The following HOATZ variants were observed in gnomAD, a reference collection of about 807,000 sequenced individuals.
HOATZ encodes the protein HOATZ cilia and flagella associated protein.
HOATZ carries 26 observed loss-of-function variants against 24.9 expected under a neutral mutation model. The ratio of observed to expected loss-of-function variants is 1.04; its 90% CI spans 0.76 to 1.45. HOATZ has a LOEUF of 1.45. HOATZ is among the 40% of genes most tolerant of loss of function. The pLI is 0.00. For missense variants in HOATZ, 226 were observed against 201.5 expected, an observed-to-expected ratio of 1.12 and a Z score of -0.74; for synonymous variants, 83 against 76.6, an observed-to-expected ratio of 1.08 and a Z score of -0.43.
intron 5 of HOATZ, chr11:111,534,741 C>T: frequency 2.6e-6 from 1 of 377,582 alleles, no homozygotes; most frequent in Non-Finnish European, 4.8e-6. Flanking sequence ...TCTCTTCTCA[C>T]CCTGGGCTAT....
At chr11:111,526,085 AGGT>A (rs1262789410) in intron 3 of HOATZ, among the ~76,000 whole-genome samples, 1 of 152,026 alleles carries the variant, frequency 6.6e-6, no homozygotes, top group African/African-American at 2.4e-5. Flanking sequence ...GGTCAGAAGG[AGGT>A]GGTGGAGGGA....
intron 3 of HOATZ, among the ~76,000 whole-genome samples, chr11:111,531,182 A>G (rs1447287770): frequency 6.6e-6 from 1 of 152,188 alleles, no homozygotes; most frequent in Non-Finnish European, 1.5e-5. Context: ...TTCATAGGGG[A>G]TTTTTAAAAC....
rs185152888 is a variant in HOATZ, at chr11:111,534,528, T to C, written c.452+64T>C. 7.6e-4 allele frequency: 990 copies of C among 1,295,964 alleles called. 5 individuals carry two copies. The Middle Eastern group carries it at 8.5e-3, about 11-fold the overall frequency. 80.3% of individuals were successfully genotyped at this position (1,295,964 alleles called of 1,614,324 possible). A position where few individuals can be genotyped will look rare whatever the true frequency, so the allele number is the denominator to read the frequency against. On this transcript the variant is annotated intron_variant, in intron 5 of 5. Coordinates refer to ENST00000375618, the MANE Select transcript of HOATZ (RefSeq NM_001100388.2). ...AACTTACTGTGTAGGGAAGCATTTC[T>C]TTTTTCTTACTTTGCCACTTACCCT...
intron 3 of HOATZ, among the ~76,000 whole-genome samples, chr11:111,530,548 T>G (rs532405021): frequency 2.6e-5 from 4 of 152,158 alleles, no homozygotes; most frequent in African/African-American, 7.2e-5. Flanking sequence ...TTTTCAGGAA[T>G]AGTATAAATA....
intron 5 of HOATZ, 49 bp downstream of exon 5, chr11:111,534,513 G>A: frequency 7.3e-7 from 1 of 1,373,666 alleles, no homozygotes; most frequent in Non-Finnish European, 1.0e-6. Context: ...AACTTACTGT[G>A]TAGGGAAGCA....
intron 5 of HOATZ, 80 bp downstream of exon 5, chr11:111,534,544 C>T (rs1867427986): frequency 1.8e-6 from 2 of 1,139,694 alleles, no homozygotes; most frequent in Admixed American, 3.6e-5. Flanking sequence ...CTTACTTTGC[C>T]ACTTACCCTT....
In HOATZ at chr11:111,515,555, A is replaced by T; in HGVS notation, c.268+3A>T. 1 of 1,611,962 alleles carries T rather than the reference A, an allele frequency of 6.2e-7. No homozygotes were observed. Among genetic ancestry groups the T allele is most frequent in the Non-Finnish European group, 8.5e-7 (1 of 1,178,078 alleles). ...GTCTTTTCACCTTGCGAGTAACAGTAAGTACCAAGTTTTATGCCTTTCAAC... is the reference window on the plus strand; with the variant it reads ...GTCTTTTCACCTTGCGAGTAACAGTTAGTACCAAGTTTTATGCCTTTCAAC... On this transcript the variant is annotated splice_donor_region_variant and intron_variant, in intron 2 of 5. Coordinates refer to ENST00000375618, the MANE Select transcript of HOATZ (RefSeq NM_001100388.2).
In HOATZ at chr11:111,514,806, G is replaced by A; in HGVS notation, c.22G>A (p.Glu8Lys). Residue 8 changes from glutamate (E) to lysine (K), a missense_variant, in exon 1 of 6, where the codon GAA (glutamate) becomes AAA (lysine). Transcript: ENST00000375618. ...TGCCATGGAAACGGGACCCAGCGAA[G>A]AACCTAGCGGCCGAAAAGAGTCCCA... The part of the protein sequence containing the change: METGPSE[E>K]PSGRKESQEM... 1 of 1,614,000 alleles carries A rather than the reference G, an allele frequency of 6.2e-7. No individual in the cohort carries two copies. Among genetic ancestry groups the A allele is most frequent in the Non-Finnish European group, 8.5e-7 (1 of 1,179,968 alleles).
At chr11:111,520,127 G>C (rs1334051504) in intron 3 of HOATZ, among the ~76,000 whole-genome samples, 2 of 152,098 alleles carry the variant, frequency 1.3e-5, no homozygotes, top group Non-Finnish European at 2.9e-5. Flanking sequence ...GCCCTACACT[G>C]GACCATCATT....
At chr11:111,519,894 C>T (rs1203906618) in intron 3 of HOATZ, among the ~76,000 whole-genome samples, 9 of 151,354 alleles carry the variant, frequency 5.9e-5, no homozygotes, top group South Asian at 2.1e-4. Flanking sequence ...CTCTCCTCAA[C>T]GGATATTGAT....
intron 3 of HOATZ, among the ~76,000 whole-genome samples, chr11:111,532,908 C>T (rs1279254316): frequency 6.6e-6 from 1 of 151,958 alleles, no homozygotes; most frequent in Non-Finnish European, 1.5e-5. Context: ...CTTTTTTTCT[C>T]AAATACACCA....
intron 3 of HOATZ, among the ~76,000 whole-genome samples, chr11:111,525,566 T>G (rs1867330353): frequency 6.6e-6 from 1 of 152,216 alleles, no homozygotes; most frequent in Admixed American, 6.5e-5. Flanking sequence ...CTGAAAACTC[T>G]GTAGGCTTCA....
chr11:111,525,404 T>C (rs1867327411), intron 3 of HOATZ, among the ~76,000 whole-genome samples: 1 of 152,306 alleles, frequency 6.6e-6, no homozygotes, highest in African/African-American at 2.4e-5. Context: ...ATGCTGCCAA[T>C]AGATAAAATA....
chr11:111,533,829 G>T (rs776390681), intron 4 of HOATZ, 24 bp downstream of exon 4: 3 of 1,525,372 alleles, frequency 2.0e-6, no homozygotes, highest in Non-Finnish European at 2.6e-6. Flanking sequence ...TGAGGCATTT[G>T]GATAATCTAT....
chr11:111,515,229 T>C, intron 1 of HOATZ: 2 of 600,784 alleles, frequency 3.3e-6, no homozygotes. Flanking sequence ...TAAGTTTCCC[T>C]TAAATTATGG....
At chr11:111,533,922 T>C (rs1867421134) in intron 4 of HOATZ, 117 bp downstream of exon 4, 1 of 672,666 alleles carries the variant, frequency 1.5e-6, no homozygotes, top group Admixed American at 3.2e-5. Flanking sequence ...CCAGAGCCAT[T>C]GATATACCAG....
intron 3 of HOATZ, among the ~76,000 whole-genome samples, chr11:111,518,424 C>T (rs1266428489): frequency 6.6e-6 from 1 of 152,058 alleles, no homozygotes; most frequent in Non-Finnish European, 1.5e-5. Flanking sequence ...TCATAACAAC[C>T]AATTATTGAA....
rs1271544661 is a variant in HOATZ, at chr11:111,514,853, A to G, written c.69A>G (p.Leu23=). 2 of 1,614,132 alleles carry G rather than the reference A, an allele frequency of 1.2e-6. No individual in the cohort carries two copies. The highest frequency in any genetic ancestry group is 2.2e-5 in the East Asian group (1 of 44,886). ...KESQEMCPPG[L]LVFAGSSEQD... is the part of the protein sequence containing the mutation. Reference sequence around the variant, plus strand: ...CCCAGGAAATGTGCCCCCCGGGATTACTGGTATTTGCTGGCTCCTCGGAAC... The same window carrying G: ...CCCAGGAAATGTGCCCCCCGGGATTGCTGGTATTTGCTGGCTCCTCGGAAC... Residue 23 remains leucine (L), a synonymous_variant, in exon 1 of 6, where the codon TTA becomes TTG. Coordinates refer to ENST00000375618, the MANE Select transcript of HOATZ (RefSeq NM_001100388.2).
intron 5 of HOATZ, chr11:111,535,668 T>G (rs1288821072): frequency 6.6e-6 from 1 of 152,240 alleles, no homozygotes; most frequent in African/African-American, 2.4e-5. Context: ...TACTCTTCTT[T>G]TTTTTTTTGA....
Sources: allele counts gnomAD v4.1 joint callset (sites outside exome capture counted in the v4.1 genomes callset), GRCh38; gene constraint gnomAD v4.1.1; transcripts MANE v1.5; gene names NCBI Gene and HGNC (gene_info 2026-07-23, HGNC 2026-07-21).